The following PAQR8 variants were observed in gnomAD, a reference collection of about 807,000 sequenced individuals.
The protein encoded by PAQR8 is progestin and adipoQ receptor family member 8, also known as membrane progestin receptor beta.
In PAQR8, 17 loss-of-function variants were observed where a neutral mutation model predicts 25.2. The ratio of observed to expected loss-of-function variants is 0.67; its 90% CI spans 0.46 to 1.01. PAQR8 has a LOEUF of 1.01. PAQR8 is among the 50% of genes least tolerant of loss of function. PAQR8 has a pLI of 0.00. For missense variants in PAQR8, 392 were observed against 448.4 expected (o/e 0.87, Z 1.14); for synonymous variants, 204 against 190.6 (o/e 1.07, Z -0.58).
intron 1 of PAQR8, among the ~76,000 whole-genome samples, chr6:52,392,386 TAAAC>T (rs1329895596): frequency 6.6e-6 from 1 of 151,724 alleles, no homozygotes; most frequent in Non-Finnish European, 1.5e-5. Context: ...GAGCTAGAAC[TAAAC>T]ATTGGGACTT....
chr6:52,392,202 G>C (rs1397046077), intron 1 of PAQR8, among the ~76,000 whole-genome samples: 1 of 152,104 alleles, frequency 6.6e-6, no homozygotes, highest in Admixed American at 6.5e-5. Context: ...AAACTAGCTG[G>C]GTGTGGCAGT....
chr6:52,403,563 TGTC>T lies in PAQR8; in HGVS notation c.354_356del (p.Ser119del). The T allele has an allele frequency of 6.2e-7, 1 of 1,614,140 alleles. No individual in the cohort carries two copies. The highest frequency in any genetic ancestry group is 8.5e-7 in the Non-Finnish European group (1 of 1,180,054). On this transcript the variant is annotated inframe_deletion, in exon 2 of 2. Transcript: ENST00000442253. ...TCCCTGCCTCTGCTCCTCTTCATCC[TGTC>T]GTCAATCACTTACCTCACCTGCAGC...
intron 1 of PAQR8, among the ~76,000 whole-genome samples, chr6:52,375,810 C>T (rs1020592276): frequency 2.0e-5 from 3 of 152,204 alleles, no homozygotes; most frequent in Non-Finnish European, 4.4e-5. Context: ...AGGTATGAGC[C>T]ACCATGCCTG....
In PAQR8 at chr6:52,406,593, T is replaced by TA. The variant is rs1763912820; in HGVS notation, c.*2316dup. On this transcript the variant is annotated 3_prime_UTR_variant, in exon 2 of 2. Coordinates refer to ENST00000442253, the MANE Select transcript of PAQR8 (RefSeq NM_133367.5). ...AATCTCTTTTTCTGAGACAGGGTCT[T>TA]ACTCTGTCGCCCAGGCTGGAGTGCA... 1 of 412,638 alleles carries TA rather than the reference T, an allele frequency of 2.4e-6. No individual in the cohort carries two copies. Among genetic ancestry groups the TA allele is most frequent in the African/African-American group, 2.1e-5 (1 of 48,632 alleles). The allele number at this position is 412,638 out of a possible 1,614,324, so 25.6% of individuals were successfully genotyped here.
chr6:52,364,634 C>T (rs1194171787), intron 1 of PAQR8, among the ~76,000 whole-genome samples: 1 of 152,170 alleles, frequency 6.6e-6, no homozygotes, highest in Non-Finnish European at 1.5e-5. Context: ...CTGATTGCCT[C>T]AGTGGTGGCA....
intron 1 of PAQR8, among the ~76,000 whole-genome samples, chr6:52,385,092 A>G (rs1763614605): frequency 6.6e-6 from 1 of 152,198 alleles, no homozygotes; most frequent in African/African-American, 2.4e-5. Flanking sequence ...TGTAGCTCCT[A>G]TAATGCCTAC....
Position 52,403,948 on chromosome 6 carries a change from C to G in PAQR8, c.735C>G (p.Ala245=). 6.2e-7 allele frequency: 1 copy of G among 1,614,254 alleles called. No homozygotes were observed. The highest frequency in any genetic ancestry group is 8.5e-7 in the Non-Finnish European group (1 of 1,180,046). The change falls in exon 2 of 2, where the codon GCC becomes GCG. Residue 245 remains alanine, a synonymous_variant. Transcript: ENST00000442253. Reference sequence around the variant, plus strand: ...TGGCTGGCTGCCAGGAGCAAGCAGCCTGGTACCACACCCTCCAGATCCTCT... The same window carrying G: ...TGGCTGGCTGCCAGGAGCAAGCAGCGTGGTACCACACCCTCCAGATCCTCT... ...CHLAGCQEQA[A]WYHTLQILFF... is the part of the protein sequence containing the mutation.
In PAQR8 at chr6:52,387,354, G is replaced by A. The variant is rs922834502; in HGVS notation, c.-52-15808G>A. On this transcript the variant is annotated intron_variant, in intron 1 of 1. Coordinates refer to ENST00000442253, the MANE Select transcript of PAQR8 (RefSeq NM_133367.5). ...ATGTTCTTTCACAAAGACGCAGTCA[G>A]TTGGCTGGACTCTTGGGACACGGGT... Among the ~76,000 whole-genome samples the A allele has an allele frequency of 4.7e-4, 71 of 152,224 alleles. 1 individual carries two copies. The highest frequency in any genetic ancestry group is 1.2e-4 in the Non-Finnish European group (8 of 68,040).
At chr6:52,370,117 G>A (rs564645798) in intron 1 of PAQR8, among the ~76,000 whole-genome samples, 3 of 151,538 alleles carry the variant, frequency 2.0e-5, no homozygotes, top group Non-Finnish European at 1.5e-5. Flanking sequence ...ATAATGACTT[G>A]TTTATGACTT....
chr6:52,378,895 G>A (rs1454755684), intron 1 of PAQR8, among the ~76,000 whole-genome samples: 1 of 151,738 alleles, frequency 6.6e-6, no homozygotes, highest in Non-Finnish European at 1.5e-5. Flanking sequence ...TCAGGAGTTC[G>A]AGACCAGCCT....
chr6:52,396,572 T>C (rs1322322524), intron 1 of PAQR8, among the ~76,000 whole-genome samples: 1 of 152,204 alleles, frequency 6.6e-6, no homozygotes, highest in African/African-American at 2.4e-5. Context: ...ACTGTTGCCC[T>C]GAAGTGATTT....
intron 1 of PAQR8, among the ~76,000 whole-genome samples, chr6:52,402,617 C>CA (rs5876274): frequency 0.075 from 8,663 of 115,754 alleles, 346 homozygotes; most frequent in Non-Finnish European, 0.092. Context: ...AACTCTGTCT[C>CA]AAAAAAAAAA....
intron 1 of PAQR8, among the ~76,000 whole-genome samples, chr6:52,396,588 A>G (rs1042518251): frequency 1.3e-5 from 2 of 152,204 alleles, no homozygotes; most frequent in East Asian, 3.8e-4. Flanking sequence ...GATTTGGAGA[A>G]TGAAGTGAGG....
In PAQR8 at chr6:52,372,559, A is replaced by G. The variant is rs534573060; in HGVS notation, c.-53+10310A>G. 2.6e-5 allele frequency among the ~76,000 whole-genome samples: 4 copies of G among 152,180 alleles called. No individual in the cohort carries two copies. The South Asian group carries it at 8.3e-4, about 32-fold the overall frequency. On this transcript the variant is annotated intron_variant, in intron 1 of 1. Transcript: ENST00000442253. Reference sequence around the variant, plus strand: ...TCTGATCTACAACAGATTACATTTAATGAGCACATGTGTGCTAAGAGTTTT... The same window carrying G: ...TCTGATCTACAACAGATTACATTTAGTGAGCACATGTGTGCTAAGAGTTTT...
chr6:52,382,615 C>CA (rs1364364046), intron 1 of PAQR8, among the ~76,000 whole-genome samples: 2 of 151,720 alleles, frequency 1.3e-5, no homozygotes, highest in Non-Finnish European at 2.9e-5. Context: ...TAAAAATATC[C>CA]AAAAAAATCT....
In PAQR8 at chr6:52,406,256, G is replaced by A. The variant is rs971668405; in HGVS notation, c.*1978G>A. 7 of 389,546 alleles carry A rather than the reference G, an allele frequency of 1.8e-5. No homozygotes were observed. The highest frequency in any genetic ancestry group is 1.2e-4 in the African/African-American group (6 of 48,112). 24.1% of individuals were successfully genotyped at this position (389,546 alleles called of 1,614,324 possible). A position where few individuals can be genotyped will look rare whatever the true frequency, so the allele number is the denominator to read the frequency against. ...AATTATTTGAAGTTTTCTTTATTAC[G>A]GATTCAAAGACTTATTTTGAAAGTT... On this transcript the variant is annotated 3_prime_UTR_variant, in exon 2 of 2. Coordinates refer to ENST00000442253, the MANE Select transcript of PAQR8 (RefSeq NM_133367.5).
chr6:52,404,107 G>C lies in PAQR8; in HGVS notation c.894G>C (p.Glu298Asp), dbSNP rs1763878816. Reference sequence around the variant, plus strand: ...CCATCTGTACGCTCTCCCAGCTGGAGGCCATCCTCCTGGACTACCAGGGGC... The same window carrying C: ...CCATCTGTACGCTCTCCCAGCTGGACGCCATCCTCCTGGACTACCAGGGGC... ...FLSICTLSQL[E>D]AILLDYQGRQ... Residue 298 changes from glutamate to aspartate, a missense_variant, in exon 2 of 2, where the codon GAG becomes GAC. By Grantham distance (45) the Glu-to-Asp change is conservative. Transcript: ENST00000442253. 1.2e-6 allele frequency: 2 copies of C among 1,614,092 alleles called. No individual in the cohort carries two copies. The highest frequency in any genetic ancestry group is 1.3e-5 in the African/African-American group (1 of 74,944).
intron 1 of PAQR8, among the ~76,000 whole-genome samples, chr6:52,396,640 G>A (rs1287837734): frequency 6.6e-6 from 1 of 152,132 alleles, no homozygotes; most frequent in Non-Finnish European, 1.5e-5. Flanking sequence ...GATGATGAAA[G>A]GTCAGTTATG....
chr6:52,365,125 T>C (rs1763336972), intron 1 of PAQR8, among the ~76,000 whole-genome samples: 2 of 151,978 alleles, frequency 1.3e-5, no homozygotes, highest in African/African-American at 2.4e-5. Flanking sequence ...AAAAGACTTG[T>C]TGTCTCACCA....
Sources: gnomAD v4.1 joint callset for allele counts (sites outside exome capture counted in the v4.1 genomes callset) on GRCh38, gnomAD v4.1.1 for gene constraint, MANE v1.5 for transcripts, NCBI Gene and HGNC (gene_info 2026-07-23, HGNC 2026-07-21) for gene names.